Variants in COL24A1 observed in about 807,000 individuals in gnomAD.
COL24A1 encodes collagen type XXIV alpha 1 chain.
COL24A1 carries 224 observed loss-of-function variants against 253.9 expected under a neutral mutation model. That is an observed-to-expected ratio of 0.88 (90% CI 0.79 to 0.99). The LOEUF (loss-of-function observed/expected upper bound fraction) is 0.99. Ranked by LOEUF, COL24A1 falls within the 50% of genes least tolerant of loss-of-function variation. The pLI is 0.00. For missense variants in COL24A1, 2,131 were observed against 2,068.5 expected (o/e 1.03, Z -0.59); for synonymous variants, 685 against 673.7 (o/e 1.02, Z -0.26).
At chr1:86,076,829 T>A (rs563093431) in intron 7 of COL24A1, among the ~76,000 whole-genome samples, 13 of 152,288 alleles carry the variant, frequency 8.5e-5, no homozygotes, top group Non-Finnish European at 1.5e-4. Flanking sequence ...TTACACCTTA[T>A]ACAAAAATTA....
intron 20 of COL24A1, 98 bp from the exon 21 acceptor site, chr1:85,971,491 C>A: frequency 2.0e-6 from 2 of 993,008 alleles, no homozygotes; most frequent in Non-Finnish European, 3.0e-6. Flanking sequence ...CTCTTTGAAA[C>A]CATTCATTTC....
Position 86,125,794 on chromosome 1 carries a change from C to A in COL24A1, c.542G>T (p.Cys181Phe). 1 of 1,613,148 alleles carries A rather than the reference C, an allele frequency of 6.2e-7. No individual in the cohort carries two copies. Among genetic ancestry groups the A allele is most frequent in the Non-Finnish European group, 8.5e-7 (1 of 1,179,690 alleles). ...CTCTGTGCTAAAATATTTCTTTCCA[C>A]ACTCAACAAACATTGAGACACTTTG... Reference protein sequence around the residue: ...RNQSVSMFVECGKKYFSTETI... With the variant: ...RNQSVSMFVEFGKKYFSTETI... The change falls in exon 3 of 60, where the codon TGT becomes TTT. Residue 181 changes from cysteine to phenylalanine, a missense_variant. Coordinates refer to ENST00000370571, the MANE Select transcript of COL24A1 (RefSeq NM_152890.7).
rs1696079443 is a variant in COL24A1, at chr1:86,007,441, G to A, written c.2310+9710C>T. On this transcript the variant is annotated intron_variant, in intron 19 of 59. Coordinates refer to ENST00000370571, the MANE Select transcript of COL24A1 (RefSeq NM_152890.7). ...ACAAAACTAAACATACTTTTACTGT[G>A]TGATCCAGAAGCCACATTCCTTAAT... 2.0e-5 allele frequency among the ~76,000 whole-genome samples: 3 copies of A among 152,270 alleles called. No individual in the cohort carries two copies. In the South Asian group the frequency reaches 6.2e-4, roughly 32 times the overall value.
At position 86,156,546 on chromosome 1, in the gene COL24A1, AG is replaced by A. The variant is rs1289158631; in HGVS notation, c.-151del. ...CCCGCAACAAGAAAAAAAGGAGGGG[AG>A]GGGGTGAAGTCGGGAGGAGGTAGGA... On this transcript the variant is annotated 5_prime_UTR_variant, in exon 1 of 60. Coordinates refer to ENST00000370571, the MANE Select transcript of COL24A1 (RefSeq NM_152890.7). 3 of 610,662 alleles carry A rather than the reference AG, an allele frequency of 4.9e-6. No individual in the cohort carries two copies. Among genetic ancestry groups the A allele is most frequent in the Non-Finnish European group, 7.8e-6 (3 of 384,564 alleles). 37.8% of individuals were successfully genotyped at this position (610,662 alleles called of 1,614,324 possible).
chr1:85,781,808 T>C (rs1244766855), intron 51 of COL24A1, among the ~76,000 whole-genome samples: 1 of 152,166 alleles, frequency 6.6e-6, no homozygotes, highest in Non-Finnish European at 1.5e-5. Context: ...GAGAATTAAA[T>C]ATGAAAAGTG....
intron 5 of COL24A1, among the ~76,000 whole-genome samples, chr1:86,093,268 C>A (rs892473719): frequency 2.6e-5 from 4 of 152,110 alleles, no homozygotes; most frequent in East Asian, 3.9e-4. Flanking sequence ...CCCTCACTGG[C>A]AGAGTCCTGT....
chr1:85,908,619 A>AATC lies in COL24A1; in HGVS notation c.2702_2703insGAT (p.Ile902dup). ...TTACAGGTAATCCCAATGGACCGAT[A>AATC]GGTCCTGGAACCCCAGGAGGACCTG... is the stretch of plus-strand genomic sequence containing the variant. On this transcript the variant is annotated inframe_insertion, in exon 27 of 60. Transcript: ENST00000370571. 1 of 1,486,168 alleles carries AATC rather than the reference A, an allele frequency of 6.7e-7. No individual in the cohort carries two copies. 92.1% of individuals were successfully genotyped at this position (1,486,168 alleles called of 1,614,324 possible).
At chr1:85,773,661 GCTCT>G (rs35738910) in intron 53 of COL24A1, among the ~76,000 whole-genome samples, 110,749 of 149,862 alleles carry the variant, frequency 0.74, 41,586 homozygotes, top group Non-Finnish European at 0.81. Flanking sequence ...TCATGATTTG[GCTCT>G]CTATTTGTCT....
intron 45 of COL24A1, 93 bp downstream of exon 45, chr1:85,823,443 A>G: frequency 8.4e-7 from 1 of 1,196,256 alleles, no homozygotes; most frequent in South Asian, 1.3e-5. Flanking sequence ...ATAAATGATA[A>G]TTTGAATTAC....
rs749790561 is a variant in COL24A1, at chr1:85,874,614, T to A, written c.3138+35A>T. 6.3e-6 allele frequency: 10 copies of A among 1,595,270 alleles called. No homozygotes were observed. The African/African-American group carries it at 1.2e-4, about 19-fold the overall frequency. On this transcript the variant is annotated intron_variant, in intron 35 of 59. Transcript: ENST00000370571. ...GTTTTGAGCCTCTGAAAGAAGTGGG[T>A]TAGTGTATTAAAAGAGTTTCAAGGG...
At chr1:85,763,982 T>A (rs1667103510) in intron 53 of COL24A1, among the ~76,000 whole-genome samples, 2 of 152,218 alleles carry the variant, frequency 1.3e-5, no homozygotes, top group Non-Finnish European at 2.9e-5. Context: ...GTGCATATCC[T>A]TAAACTTGAG....
At chr1:85,822,481 T>C (rs1297847441) in intron 45 of COL24A1, among the ~76,000 whole-genome samples, 2 of 152,204 alleles carry the variant, frequency 1.3e-5, no homozygotes, top group African/African-American at 2.4e-5. Context: ...ACAAAGTTGC[T>C]TGCTATTTAA....
intron 35 of COL24A1, among the ~76,000 whole-genome samples, chr1:85,870,391 T>G (rs1231227391): frequency 6.6e-6 from 1 of 152,188 alleles, no homozygotes; most frequent in African/African-American, 2.4e-5. Context: ...CAACAGAATA[T>G]ACATTCTTCT....
chr1:86,011,678 A>G (rs557010024), intron 19 of COL24A1, among the ~76,000 whole-genome samples: 2 of 152,190 alleles, frequency 1.3e-5, no homozygotes, highest in Non-Finnish European at 2.9e-5. Context: ...TTTTAAAAAC[A>G]TTTATAGAAT....
intron 5 of COL24A1, among the ~76,000 whole-genome samples, chr1:86,111,708 G>A (rs1232678200): frequency 1.3e-5 from 2 of 152,154 alleles, no homozygotes; most frequent in African/African-American, 4.8e-5. Context: ...CTTTGGGTCT[G>A]CACTGCCTTT....
At chr1:85,892,739 A>C (rs929367762) in intron 31 of COL24A1, among the ~76,000 whole-genome samples, 11 of 152,166 alleles carry the variant, frequency 7.2e-5, no homozygotes, top group Admixed American at 5.9e-4. Context: ...AAATGGACCT[A>C]TATTGTTGGC....
At chr1:85,771,809 T>TA (rs71075863) in intron 53 of COL24A1, among the ~76,000 whole-genome samples, 2 of 149,002 alleles carry the variant, frequency 1.3e-5, no homozygotes, top group African/African-American at 4.9e-5. Flanking sequence ...TTTATTTATT[T>TA]TTATTATACT....
chr1:85,893,942 C>T (rs1038773762), intron 31 of COL24A1, among the ~76,000 whole-genome samples: 1 of 152,156 alleles, frequency 6.6e-6, no homozygotes, highest in African/African-American at 2.4e-5. Flanking sequence ...CATGCCCAGG[C>T]CTAACCAATT....
At chr1:85,873,460 T>C (rs926482856) in intron 35 of COL24A1, among the ~76,000 whole-genome samples, 1 of 152,180 alleles carries the variant, frequency 6.6e-6, no homozygotes, top group Non-Finnish European at 1.5e-5. Flanking sequence ...AATGATAGAC[T>C]GGATTAAGAA....
Sources: allele counts gnomAD v4.1 joint callset (sites outside exome capture counted in the v4.1 genomes callset), GRCh38; gene constraint gnomAD v4.1.1; transcripts MANE v1.5; gene names NCBI Gene and HGNC (gene_info 2026-07-23, HGNC 2026-07-21).